The following PXDNL variants were observed in gnomAD, a reference collection of about 807,000 sequenced individuals.
PXDNL encodes probable oxidoreductase PXDNL.
PXDNL carries 145 observed loss-of-function variants against 150.8 expected under a neutral mutation model. That is an observed-to-expected ratio of 0.96 (90% CI 0.84 to 1.10). The LOEUF (loss-of-function observed/expected upper bound fraction) is 1.10, where lower values mean the gene tolerates loss of function less well. PXDNL is among the 50% of genes least tolerant of loss of function. The pLI, the probability that PXDNL is intolerant of heterozygous loss-of-function variation, is 0.00. For missense variants in PXDNL, 2,087 were observed against 1,873.9 expected, an observed-to-expected ratio of 1.11 and a Z score of -2.10; for synonymous variants, 757 against 725.7, an observed-to-expected ratio of 1.04 and a Z score of -0.69.
At chr8:51,358,731 C>T (rs779588818) in intron 19 of PXDNL, among the ~76,000 whole-genome samples, 3 of 152,132 alleles carry the variant, frequency 2.0e-5, no homozygotes, top group Non-Finnish European at 4.4e-5. Flanking sequence ...AGATGAGCAC[C>T]CCAAAGATGG....
intron 1 of PXDNL, among the ~76,000 whole-genome samples, chr8:51,770,393 C>A (rs890103531): frequency 6.6e-6 from 1 of 152,134 alleles, no homozygotes; most frequent in African/African-American, 2.4e-5. Flanking sequence ...AAAGCAAAAA[C>A]GGGGCTCCAA....
At chr8:51,624,390 T>C (rs6998305) in intron 2 of PXDNL, among the ~76,000 whole-genome samples, 11,156 of 152,106 alleles carry the variant, frequency 0.073, 1,370 homozygotes, top group African/African-American at 0.25. Flanking sequence ...AAGTACTTAT[T>C]ACCAAAATTG....
chr8:51,801,131 G>A (rs1444831832), intron 1 of PXDNL, among the ~76,000 whole-genome samples: 1 of 152,118 alleles, frequency 6.6e-6, no homozygotes, highest in Admixed American at 6.6e-5. Context: ...TAAGACCCTA[G>A]GAAAAGAATT....
At chr8:51,538,874 T>C (rs1260079795) in intron 4 of PXDNL, among the ~76,000 whole-genome samples, 4 of 152,222 alleles carry the variant, frequency 2.6e-5, no homozygotes, top group Non-Finnish European at 5.9e-5. Flanking sequence ...AATCATGCAA[T>C]TATGTGGTGA....
intron 1 of PXDNL, among the ~76,000 whole-genome samples, chr8:51,726,840 C>A (rs1816825681): frequency 6.6e-6 from 1 of 152,116 alleles, no homozygotes. Context: ...TCATTTATCA[C>A]CATTTTGGAA....
intron 12 of PXDNL, among the ~76,000 whole-genome samples, chr8:51,438,595 G>C (rs558007645): frequency 6.6e-6 from 1 of 152,208 alleles, no homozygotes; most frequent in South Asian, 2.1e-4. Context: ...GGTGCCTATA[G>C]TCCCAGCTAC....
At chr8:51,719,341 C>T (rs1436435035) in intron 1 of PXDNL, among the ~76,000 whole-genome samples, 2 of 151,746 alleles carry the variant, frequency 1.3e-5, no homozygotes, top group East Asian at 3.9e-4. Context: ...ATGACCTTAC[C>T]CCCAACCTGG....
chr8:51,760,922 G>A (rs1299709657), intron 1 of PXDNL, among the ~76,000 whole-genome samples: 4 of 131,658 alleles, frequency 3.0e-5, no homozygotes, highest in African/African-American at 1.2e-4. Context: ...GCAGTGGCGC[G>A]ATCTCAGCTC....
chr8:51,612,523 C>G (rs970545075), intron 2 of PXDNL, among the ~76,000 whole-genome samples: 1 of 152,164 alleles, frequency 6.6e-6, no homozygotes, highest in African/African-American at 2.4e-5. Flanking sequence ...TTGTGCCCCC[C>G]ACTGCCCCCA....
At chr8:51,459,572 A>G (rs1052311879) in intron 8 of PXDNL, among the ~76,000 whole-genome samples, 2 of 152,194 alleles carry the variant, frequency 1.3e-5, no homozygotes, top group African/African-American at 4.8e-5. Context: ...AAAATGCATC[A>G]TTCCTTTTCC....
Position 51,496,192 on chromosome 8 carries a change from T to C in PXDNL, c.452+3507A>G, listed in dbSNP as rs532364817. 1.6e-4 allele frequency among the ~76,000 whole-genome samples: 25 copies of C among 152,326 alleles called. 1 individual carries two copies. The South Asian group carries it at 5.0e-3, about 30-fold the overall frequency. On this transcript the variant is annotated intron_variant, in intron 5 of 22. Transcript: ENST00000356297. ...CAATGACAAAAACCATATGATTATCTCAATAGATGCAGAAAAGGCCTTTGA... is the reference window on the plus strand; with the variant it reads ...CAATGACAAAAACCATATGATTATCCCAATAGATGCAGAAAAGGCCTTTGA...
intron 19 of PXDNL, among the ~76,000 whole-genome samples, chr8:51,357,594 C>T (rs1806552280): frequency 6.6e-6 from 1 of 152,176 alleles, no homozygotes; most frequent in South Asian, 2.1e-4. Flanking sequence ...TCAGTATACA[C>T]ACACAATAGA....
chr8:51,665,591 C>G (rs1046144958), intron 1 of PXDNL, among the ~76,000 whole-genome samples: 43 of 152,184 alleles, frequency 2.8e-4, no homozygotes, highest in African/African-American at 1.0e-3. Context: ...AATACTGACA[C>G]AGAGTATTGG....
chr8:51,524,439 C>A (rs1294083697), intron 4 of PXDNL, among the ~76,000 whole-genome samples: 1 of 152,272 alleles, frequency 6.6e-6, no homozygotes, highest in Non-Finnish European at 1.5e-5. Context: ...AAGGGCAATA[C>A]ATTTAAACAG....
chr8:51,510,393 C>T (rs1168231181), intron 4 of PXDNL, among the ~76,000 whole-genome samples: 4 of 152,124 alleles, frequency 2.6e-5, no homozygotes, highest in Non-Finnish European at 5.9e-5. Context: ...ACTTGAAATT[C>T]GAGATGGGTT....
At chr8:51,703,041 A>G (rs1816290229) in intron 1 of PXDNL, among the ~76,000 whole-genome samples, 1 of 152,100 alleles carries the variant, frequency 6.6e-6, no homozygotes, top group African/African-American at 2.4e-5. Context: ...TACACTTTAC[A>G]TTCACTAATG....
intron 1 of PXDNL, among the ~76,000 whole-genome samples, chr8:51,749,439 C>G (rs1247859698): frequency 6.6e-6 from 1 of 152,202 alleles, no homozygotes; most frequent in Non-Finnish European, 1.5e-5. Context: ...ACACTGAATA[C>G]TGTAGGAAAC....
chr8:51,533,927 C>T (rs1488632141), intron 4 of PXDNL, among the ~76,000 whole-genome samples: 3 of 151,138 alleles, frequency 2.0e-5, no homozygotes, highest in African/African-American at 4.9e-5. Flanking sequence ...AAGTGAGGAG[C>T]GTCTCTGCCT....
intron 2 of PXDNL, among the ~76,000 whole-genome samples, chr8:51,599,342 T>C (rs1045455232): frequency 6.6e-6 from 1 of 151,978 alleles, no homozygotes; most frequent in African/African-American, 2.4e-5. Context: ...TAATTTGAGA[T>C]CTTCCTAATT....
Sources: allele counts gnomAD v4.1 joint callset (sites outside exome capture counted in the v4.1 genomes callset), GRCh38; gene constraint gnomAD v4.1.1; transcripts MANE v1.5; gene names NCBI Gene and HGNC (gene_info 2026-07-23, HGNC 2026-07-21).